Variants in FGF13 observed in about 807,000 individuals in gnomAD.
FGF13 encodes the protein fibroblast growth factor 13, also known as fibroblast growth factor homologous factor 2.
FGF13 carries 2 observed loss-of-function variants against 19.5 expected under a neutral mutation model. That is an observed-to-expected ratio of 0.10 (90% CI 0.04 to 0.32). FGF13 has a LOEUF of 0.32. Ranked by LOEUF, FGF13 falls within the 10% of genes least tolerant of loss-of-function variation. The probability of loss-of-function intolerance (pLI) is 1.00; values close to 1 mark genes in which losing one functional copy is unlikely to be tolerated. For missense variants in FGF13, 113 were observed against 192.7 expected (o/e 0.59, Z 2.45); for synonymous variants, 72 against 76.9 (o/e 0.94, Z 0.33).
At chrX:138,760,646 C>T (rs2090460669) in intron 3 of FGF13, among the ~76,000 whole-genome samples, 1 of 112,110 alleles carries the variant, frequency 8.9e-6, no homozygotes, top group Non-Finnish European at 1.9e-5. Context: ...ATCCACAAAA[C>T]CCTGTGAAGC....
intron 3 of FGF13, among the ~76,000 whole-genome samples, chrX:138,670,001 T>C (rs180753780): frequency 8.9e-6 from 1 of 112,147 alleles, no homozygotes; most frequent in Non-Finnish European, 1.9e-5. Flanking sequence ...GACCTGAATA[T>C]GCATGGATGC....
intron 1 of FGF13, among the ~76,000 whole-genome samples, chrX:139,077,181 C>G (rs2083338069): frequency 9.0e-6 from 1 of 111,481 alleles, no homozygotes; most frequent in African/African-American, 3.3e-5. Flanking sequence ...TCACTGCTTT[C>G]TAGTAAACTC....
chrX:139,088,304 G>A (rs1250141786), intron 1 of FGF13, among the ~76,000 whole-genome samples: 1 of 111,555 alleles, frequency 9.0e-6, no homozygotes, highest in East Asian at 2.8e-4. Flanking sequence ...CAAGATTAAG[G>A]AGTTCAGTTT....
Position 138,959,428 on chromosome X carries a change from G to A in FGF13, c.-112-94778C>T, listed in dbSNP as rs981742530. ...TGTTCTTTTACATTTGCTGAGGAGT[G>A]CTTTACTTCTAACTATGTGGTCAAT... On this transcript the variant is annotated intron_variant, in intron 1 of 2. Transcript: ENST00000421460. 2.7e-5 allele frequency among the ~76,000 whole-genome samples: 3 copies of A among 111,883 alleles called. No individual in the cohort carries two copies. In the Admixed American group the frequency reaches 2.8e-4, roughly 11 times the overall value.
At chrX:138,667,125 T>C (rs987514642) in intron 3 of FGF13, among the ~76,000 whole-genome samples, 10 of 107,874 alleles carry the variant, frequency 9.3e-5, no homozygotes, top group African/African-American at 3.3e-4. Context: ...TATATTAGGT[T>C]ATATATGTAT....
intron 1 of FGF13, among the ~76,000 whole-genome samples, chrX:138,967,603 G>T (rs1396083716): frequency 9.0e-6 from 1 of 110,748 alleles, no homozygotes; most frequent in South Asian, 3.9e-4. Flanking sequence ...TGCGGGGAGG[G>T]TGGATTAAGA....
At chrX:138,782,595 C>G (rs1405805722) in intron 3 of FGF13, among the ~76,000 whole-genome samples, 20 of 98,653 alleles carry the variant, frequency 2.0e-4, no homozygotes, top group African/African-American at 7.8e-4. Context: ...ACCTAGGAAT[C>G]CAACTTACAA....
chrX:138,984,530 G>C (rs1255203399), intron 1 of FGF13, among the ~76,000 whole-genome samples: 3,182 of 22,874 alleles, frequency 0.14, 736 homozygotes, highest in East Asian at 0.2. Context: ...AGAGGAAGAA[G>C]AAGAAGAAGA....
chrX:139,184,786 A>G (rs1401992359), intron 1 of FGF13, among the ~76,000 whole-genome samples: 1 of 112,556 alleles, frequency 8.9e-6, no homozygotes, highest in East Asian at 2.8e-4. Flanking sequence ...ATGTTAAATG[A>G]AAAATCTTTA....
intron 3 of FGF13, among the ~76,000 whole-genome samples, chrX:138,793,160 C>T (rs1038998161): frequency 9.0e-6 from 1 of 111,205 alleles, no homozygotes; most frequent in Non-Finnish European, 1.9e-5. Flanking sequence ...AAGCTTGAAA[C>T]GAATTCTCCT....
chrX:138,743,062 A>C (rs1218466399), upstream of FGF13, among the ~76,000 whole-genome samples: 3 of 111,439 alleles, frequency 2.7e-5, no homozygotes, highest in Non-Finnish European at 5.6e-5. Context: ...CATGAGTTGA[A>C]ATCTAATATC....
At chrX:139,179,065 G>T (rs2084217325) in intron 1 of FGF13, among the ~76,000 whole-genome samples, 1 of 112,101 alleles carries the variant, frequency 8.9e-6, no homozygotes, top group African/African-American at 3.2e-5. Context: ...ACACATGAAG[G>T]TGATTCCATA....
intron 1 of FGF13, among the ~76,000 whole-genome samples, chrX:138,731,709 A>G (rs1216533093): frequency 9.0e-6 from 1 of 110,963 alleles, no homozygotes; most frequent in Non-Finnish European, 1.9e-5. Flanking sequence ...GACAGAAAAC[A>G]AATGGAGATA....
At chrX:139,198,553 T>C (rs73574146) in intron 1 of FGF13, among the ~76,000 whole-genome samples, 1,201 of 112,110 alleles carry the variant, frequency 0.011, 17 homozygotes, top group African/African-American at 0.036. Flanking sequence ...ATGCTAAAAG[T>C]AATTTCAAAG....
intron 1 of FGF13, among the ~76,000 whole-genome samples, chrX:139,174,830 G>A (rs1341129919): frequency 1.8e-5 from 2 of 112,159 alleles, no homozygotes; most frequent in African/African-American, 6.5e-5. Context: ...CAGGTAGTGT[G>A]ATGCCTCCAG....
At chrX:139,010,251 A>G (rs776837212) in intron 1 of FGF13, among the ~76,000 whole-genome samples, 1 of 111,614 alleles carries the variant, frequency 9.0e-6, no homozygotes, top group East Asian at 2.8e-4. Flanking sequence ...TCATCAATAC[A>G]AAAAGTCAAC....
At chrX:138,814,420 C>A (rs1272268296) in intron 3 of FGF13, among the ~76,000 whole-genome samples, 9 of 109,924 alleles carry the variant, frequency 8.2e-5, no homozygotes, top group Non-Finnish European at 1.7e-4. Context: ...GAAGAGATAA[C>A]CTATGGAATG....
intron 1 of FGF13, among the ~76,000 whole-genome samples, chrX:139,190,204 C>T (rs1490216994): frequency 9.0e-6 from 1 of 111,565 alleles, no homozygotes; most frequent in Non-Finnish European, 1.9e-5. Flanking sequence ...GAAAGGAAGG[C>T]TGGGGAAGAA....
intron 3 of FGF13, among the ~76,000 whole-genome samples, chrX:138,808,949 A>T (rs2090896739): frequency 8.9e-6 from 1 of 111,911 alleles, no homozygotes; most frequent in African/African-American, 3.3e-5. Context: ...TGAGGCAATA[A>T]TTAATAGCCT....
Sources: gnomAD v4.1 joint callset for allele counts (sites outside exome capture counted in the v4.1 genomes callset) on GRCh38, gnomAD v4.1.1 for gene constraint, MANE v1.5 for transcripts, NCBI Gene and HGNC (gene_info 2026-07-23, HGNC 2026-07-21) for gene names.